The following CRADD variants were observed in gnomAD, a reference collection of about 807,000 sequenced individuals.
CRADD encodes CARD and death domain containing adaptor protein, also known as death domain-containing protein CRADD.
Under a neutral mutation model 15.5 loss-of-function variants are expected in CRADD, and 9 were observed. The observed-to-expected ratio is 0.58, with a 90% CI of 0.35 to 1.01. The LOEUF (loss-of-function observed/expected upper bound fraction) is 1.01, where lower values mean the gene tolerates loss of function less well. Ranked by LOEUF, CRADD falls within the 50% of genes least tolerant of loss-of-function variation. The pLI is 0.02. For missense variants in CRADD, 227 were observed against 250.3 expected (o/e 0.91, Z 0.63); for synonymous variants, 118 against 107.6 (o/e 1.10, Z -0.60).
chr12:93,783,960 A>C (rs1225554654), intron 2 of CRADD, among the ~76,000 whole-genome samples: 1 of 152,172 alleles, frequency 6.6e-6, no homozygotes, highest in Non-Finnish European at 1.5e-5. Flanking sequence ...TGGATGTCAG[A>C]ACCAGACATC....
At chr12:93,892,785 T>C (rs1958585511) in intron 2 of CRADD, among the ~76,000 whole-genome samples, 1 of 152,008 alleles carries the variant, frequency 6.6e-6, no homozygotes, top group Non-Finnish European at 1.5e-5. Flanking sequence ...CCCCATCTGC[T>C]CTCCCGTGCT....
At chr12:93,799,876 T>A (rs1957458594) in intron 2 of CRADD, among the ~76,000 whole-genome samples, 1 of 152,190 alleles carries the variant, frequency 6.6e-6, no homozygotes, top group African/African-American at 2.4e-5. Context: ...TGTAAGCAGA[T>A]ATAGTGCATG....
intron 2 of CRADD, among the ~76,000 whole-genome samples, chr12:93,722,579 A>T (rs573915973): frequency 6.6e-6 from 1 of 151,960 alleles, no homozygotes; most frequent in Non-Finnish European, 1.5e-5. Context: ...TACATTCTTA[A>T]GCTCAGATAT....
chr12:93,703,978 CTTTTTTTT>C (rs71071759), intron 2 of CRADD, among the ~76,000 whole-genome samples: 2 of 90,280 alleles, frequency 2.2e-5, no homozygotes, highest in East Asian at 7.2e-4. Context: ...TGGAGCCTTT[CTTTTTTTT>C]TTTTTTTTTT....
chr12:93,745,172 A>G (rs1296622482), intron 2 of CRADD, among the ~76,000 whole-genome samples: 1 of 152,154 alleles, frequency 6.6e-6, no homozygotes, highest in Non-Finnish European at 1.5e-5. Flanking sequence ...ACGGGAGGGC[A>G]CACTTGCTTA....
At chr12:93,806,359 G>A (rs1476853545) in intron 2 of CRADD, among the ~76,000 whole-genome samples, 1 of 150,642 alleles carries the variant, frequency 6.6e-6, no homozygotes. Flanking sequence ...GGCTGAGGCA[G>A]GAGAATCACT....
intron 2 of CRADD, among the ~76,000 whole-genome samples, chr12:93,883,521 T>C (rs1958516488): frequency 6.6e-6 from 1 of 152,174 alleles, no homozygotes; most frequent in South Asian, 2.1e-4. Context: ...CCTCAAGGAC[T>C]GAGAAAGGCT....
intron 2 of CRADD, among the ~76,000 whole-genome samples, chr12:93,808,686 T>C (rs546599193): frequency 1.3e-5 from 2 of 152,088 alleles, no homozygotes; most frequent in Admixed American, 6.6e-5. Flanking sequence ...GTGGCTTCAG[T>C]TGATACATTT....
chr12:93,722,996 T>C (rs927177237), intron 2 of CRADD, among the ~76,000 whole-genome samples: 1 of 152,250 alleles, frequency 6.6e-6, no homozygotes, highest in African/African-American at 2.4e-5. Flanking sequence ...GCAAAAATTA[T>C]GACCATGAGA....
At chr12:93,889,521 C>T (rs181859858) in intron 2 of CRADD, among the ~76,000 whole-genome samples, 270 of 152,286 alleles carry the variant, frequency 1.8e-3, no homozygotes, top group Non-Finnish European at 2.9e-3. Context: ...GCCATCCTCA[C>T]CCCCTCACCC....
downstream of CRADD, among the ~76,000 whole-genome samples, chr12:93,851,480 C>T (rs1473660213): frequency 6.6e-6 from 1 of 152,212 alleles, no homozygotes; most frequent in Non-Finnish European, 1.5e-5. Flanking sequence ...ATTGTACTCA[C>T]CTCTGAGGTC....
At chr12:93,678,272 T>A (rs1213156775) in intron 1 of CRADD, among the ~76,000 whole-genome samples, 2 of 152,192 alleles carry the variant, frequency 1.3e-5, no homozygotes, top group Admixed American at 6.5e-5. Context: ...TGCACTCCTA[T>A]TACTGATCAG....
chr12:93,877,580 C>T (rs190695588), intron 2 of CRADD, among the ~76,000 whole-genome samples: 1 of 152,346 alleles, frequency 6.6e-6, no homozygotes, highest in Non-Finnish European at 1.5e-5. Context: ...GTCCTTCCTC[C>T]TCTTCCTTTC....
At chr12:93,757,158 G>A (rs777787768) in intron 2 of CRADD, among the ~76,000 whole-genome samples, 15 of 152,098 alleles carry the variant, frequency 9.9e-5, no homozygotes, top group Non-Finnish European at 1.9e-4. Flanking sequence ...GAAGATTTTC[G>A]TATTATCTCA....
chr12:93,762,450 T>G (rs1956977959), intron 2 of CRADD, among the ~76,000 whole-genome samples: 1 of 152,096 alleles, frequency 6.6e-6, no homozygotes. Context: ...GCAGTAGACA[T>G]TAAAAGAAAG....
intron 2 of CRADD, chr12:93,708,882 C>G (rs1319101792): frequency 6.6e-6 from 1 of 152,644 alleles, no homozygotes; most frequent in Non-Finnish European, 1.5e-5. Context: ...CTGGGAAGTC[C>G]AAGATCAAGG....
chr12:93,765,258 A>G (rs1957015214), intron 2 of CRADD, among the ~76,000 whole-genome samples: 1 of 152,212 alleles, frequency 6.6e-6, no homozygotes, highest in South Asian at 2.1e-4. Context: ...ATTCAGAGAG[A>G]GGTCAAGGGG....
At chr12:93,745,995 G>A (rs1483150531) in intron 2 of CRADD, among the ~76,000 whole-genome samples, 1 of 152,150 alleles carries the variant, frequency 6.6e-6, no homozygotes, top group Non-Finnish European at 1.5e-5. Context: ...TGAAATTAAG[G>A]TAAAGGGAAA....
chr12:93,878,599 T>C (rs535243161), intron 2 of CRADD, among the ~76,000 whole-genome samples: 1 of 151,944 alleles, frequency 6.6e-6, no homozygotes, highest in South Asian at 2.1e-4. Flanking sequence ...GACTGCCTTT[T>C]AAGTTTATTT....
Sources: gnomAD v4.1 joint callset for allele counts (sites outside exome capture counted in the v4.1 genomes callset) on GRCh38, gnomAD v4.1.1 for gene constraint, MANE v1.5 for transcripts, NCBI Gene and HGNC (gene_info 2026-07-23, HGNC 2026-07-21) for gene names.